The following HEATR5B variants were observed in gnomAD, a reference collection of about 807,000 sequenced individuals.
HEATR5B encodes HEAT repeat-containing protein 5B.
In HEATR5B, 156 loss-of-function variants were observed where a neutral mutation model predicts 224.1. The observed-to-expected ratio is 0.70, with a 90% CI of 0.61 to 0.80. The LOEUF (loss-of-function observed/expected upper bound fraction) is 0.80, where lower values mean the gene tolerates loss of function less well. HEATR5B is among the 30% of genes least tolerant of loss of function. The probability of loss-of-function intolerance (pLI) is 0.00; values close to 1 mark genes in which losing one functional copy is unlikely to be tolerated. For missense variants in HEATR5B, 2,323 were observed against 2,535.5 expected (o/e 0.92, Z 1.80); for synonymous variants, 1,027 against 893.0 (o/e 1.15, Z -2.68).
chr2:37,047,740 G>A (rs1319813846), intron 18 of HEATR5B, among the ~76,000 whole-genome samples: 1 of 152,176 alleles, frequency 6.6e-6, no homozygotes, highest in East Asian at 1.9e-4. Flanking sequence ...AGACGGACCT[G>A]TAGCTATAGA....
At chr2:37,059,096 G>A (rs1384867005) in intron 12 of HEATR5B, 109 bp from the exon 13 acceptor site, 7 of 575,956 alleles carry the variant, frequency 1.2e-5, no homozygotes, top group South Asian at 8.0e-5. Context: ...TTATTATAAC[G>A]TATAAGGTTC....
chr2:37,078,543 G>T (rs1177457401), intron 3 of HEATR5B, among the ~76,000 whole-genome samples: 1 of 152,128 alleles, frequency 6.6e-6, no homozygotes, highest in African/African-American at 2.4e-5. Context: ...GAAAGTACTG[G>T]TACTGTCTAA....
chr2:37,033,783 T>A (rs967665163), intron 21 of HEATR5B, among the ~76,000 whole-genome samples: 3 of 152,206 alleles, frequency 2.0e-5, no homozygotes, highest in Admixed American at 1.3e-4. Flanking sequence ...TTTGCCCACA[T>A]GTAAGGTGGG....
At chr2:37,032,804 T>C (rs1669215948) in intron 21 of HEATR5B, 31 bp from the exon 22 acceptor site, 1 of 1,596,384 alleles carries the variant, frequency 6.3e-7, no homozygotes, top group African/African-American at 1.3e-5. Context: ...AGGCGATTTC[T>C]CTTTAAAAAG....
intron 21 of HEATR5B, among the ~76,000 whole-genome samples, chr2:37,035,644 ATC>A (rs1300567610): frequency 6.6e-6 from 1 of 151,914 alleles, no homozygotes; most frequent in Non-Finnish European, 1.5e-5. Flanking sequence ...TCCTTCTTTA[ATC>A]TCTCTTAACT....
Position 37,010,035 on chromosome 2 carries a change from G to C in HEATR5B, c.4285-1187C>G, listed in dbSNP as rs554075956. On this transcript the variant is annotated intron_variant, in intron 27 of 35. Transcript: ENST00000233099. ...ACATTACCTGTATCCTTTCTCTCTA[G>C]TTTGTGAGCCAAAAAGACATAAAAG... Among the ~76,000 whole-genome samples the C allele has an allele frequency of 1.4e-4, 22 of 152,072 alleles. No individual in the cohort carries two copies. In the South Asian group the frequency reaches 2.7e-3, roughly 19 times the overall value.
intron 35 of HEATR5B, among the ~76,000 whole-genome samples, chr2:36,983,347 G>A (rs1665708608): frequency 6.8e-6 from 1 of 147,048 alleles, no homozygotes; most frequent in South Asian, 2.2e-4. Flanking sequence ...AACCAACATG[G>A]AGAAACCCTA....
chr2:36,988,617 C>CTAG (rs1447508591), intron 35 of HEATR5B, 29 bp downstream of exon 35: 1 of 1,535,908 alleles, frequency 6.5e-7, no homozygotes, highest in East Asian at 2.3e-5. Context: ...TCATTCTGAA[C>CTAG]TAGTAGCTTT....
intron 33 of HEATR5B, among the ~76,000 whole-genome samples, chr2:36,994,330 A>G: frequency 6.6e-6 from 1 of 152,212 alleles, no homozygotes; most frequent in East Asian, 1.9e-4. Flanking sequence ...ATGTTGAAGC[A>G]ATTAAGAGTG....
chr2:37,009,064 C>A (rs942400198), intron 27 of HEATR5B, among the ~76,000 whole-genome samples: 1 of 151,786 alleles, frequency 6.6e-6, no homozygotes, highest in Non-Finnish European at 1.5e-5. Context: ...TTGAGACCAT[C>A]CTGGCCAACA....
chr2:36,987,625 T>C (rs1001910647), intron 35 of HEATR5B, among the ~76,000 whole-genome samples: 1 of 152,174 alleles, frequency 6.6e-6, no homozygotes, highest in African/African-American at 2.4e-5. Flanking sequence ...GTTAAATGGA[T>C]GTATGCAGTA....
At chr2:37,046,922 C>T (rs911880443) in intron 18 of HEATR5B, among the ~76,000 whole-genome samples, 3 of 150,322 alleles carry the variant, frequency 2.0e-5, no homozygotes, top group African/African-American at 7.4e-5. Context: ...TGGTGGCCTG[C>T]ACCTGTAATC....
In HEATR5B at chr2:37,060,750, G is replaced by C. The variant is rs369668578; in HGVS notation, c.1697-17C>G. The C allele has an allele frequency of 6.2e-7, 1 of 1,606,436 alleles. No homozygotes were observed. Among genetic ancestry groups the C allele is most frequent in the South Asian group, 1.1e-5 (1 of 90,174 alleles). ...CAGATGGTCCTAGCCAAGAAAATGA[G>C]AATACAAAACCATGTATATGTAACA... On this transcript the variant is annotated splice_polypyrimidine_tract_variant and intron_variant, in intron 11 of 35. Transcript: ENST00000233099.
At position 36,980,914 on chromosome 2, in the gene HEATR5B, TTTAA is replaced by T. The variant is rs1234065546; in HGVS notation, c.*572_*575del. 32 of 152,248 alleles carry T rather than the reference TTTAA, an allele frequency of 2.1e-4. No homozygotes were observed. The highest frequency in any genetic ancestry group is 6.5e-4 in the African/African-American group (27 of 41,536). The allele number at this position is 152,248 out of a possible 1,614,324, so 9.4% of individuals were successfully genotyped here. ...TTTTAGTGAACCTTTAAATGAGAATTTTAATTGTTACCAACTAAAATATACATAG... is the reference window on the plus strand; with the variant it reads ...TTTTAGTGAACCTTTAAATGAGAATTTTGTTACCAACTAAAATATACATAG... On this transcript the variant is annotated 3_prime_UTR_variant, in exon 36 of 36. Coordinates refer to ENST00000233099, the MANE Select transcript of HEATR5B (RefSeq NM_019024.3).
intron 24 of HEATR5B, among the ~76,000 whole-genome samples, chr2:37,025,429 A>G (rs1422203051): frequency 1.3e-5 from 2 of 152,046 alleles, no homozygotes; most frequent in African/African-American, 4.8e-5. Context: ...AGAAATGGCT[A>G]ATCTCTGGAA....
rs773284795 is a variant in HEATR5B at position 37,064,747 on chromosome 2, T to A, written c.1577A>T (p.Lys526Ile). 3.2e-5 allele frequency: 52 copies of A among 1,613,864 alleles called. No individual in the cohort carries two copies. The highest frequency in any genetic ancestry group is 4.3e-5 in the Non-Finnish European group (51 of 1,179,964). The change falls in exon 10 of 36, where the codon AAA becomes ATA. Residue 526 changes from lysine to isoleucine, a missense_variant. By Grantham distance (102) the Lys-to-Ile change is moderately radical (BLOSUM62 -3). Transcript: ENST00000233099. ...CTAGGATCTCCGTCATACCTTTCCT[T>A]TGGCATGAGGAATGCCCAAAGGACA... is the stretch of plus-strand genomic sequence containing the variant. ...HQCPLGIPHA[K>I]GKMVVSIAED...
rs371230869 is a variant in HEATR5B, at chr2:37,007,035, A to G, written c.4777+15T>C. 6.2e-6 allele frequency: 10 copies of G among 1,610,934 alleles called. No individual in the cohort carries two copies. The East Asian group carries it at 1.6e-4, about 25-fold the overall frequency. ...GAAGTGATAATCTTGAAATATATTA[A>G]TATGACAGACCTACCTAAAATCAGA... is the stretch of plus-strand genomic sequence containing the variant. On this transcript the variant is annotated intron_variant, in intron 29 of 35. Transcript: ENST00000233099.
At chr2:37,034,217 A>C (rs565231519) in intron 21 of HEATR5B, among the ~76,000 whole-genome samples, 1 of 150,648 alleles carries the variant, frequency 6.6e-6, no homozygotes, top group African/African-American at 2.4e-5. Context: ...CGTGTTAGTC[A>C]GGATGGTCTC....
At chr2:36,992,170 C>G (rs1168856761) in intron 33 of HEATR5B, among the ~76,000 whole-genome samples, 5 of 152,084 alleles carry the variant, frequency 3.3e-5, no homozygotes, top group Non-Finnish European at 7.4e-5. Flanking sequence ...TGCACTCCAG[C>G]CTGGGTGACA....
Sources: gnomAD v4.1 joint callset for allele counts (sites outside exome capture counted in the v4.1 genomes callset) on GRCh38, gnomAD v4.1.1 for gene constraint, MANE v1.5 for transcripts, NCBI Gene and HGNC (gene_info 2026-07-23, HGNC 2026-07-21) for gene names.